Variants in NPLOC4 observed in about 807,000 individuals in gnomAD.
NPLOC4 encodes the protein NPL4 homolog, ubiquitin recognition factor.
NPLOC4 carries 18 observed loss-of-function variants against 80.6 expected under a neutral mutation model. That is an observed-to-expected ratio of 0.22 (90% CI 0.15 to 0.33). The LOEUF is 0.33. Among genes scored for constraint, NPLOC4 ranks in the 10% least tolerant of loss-of-function variants. NPLOC4 has a pLI of 1.00. For synonymous variants in NPLOC4, 313 were observed against 301.5 expected (o/e 1.04, Z -0.39); for missense variants, 540 against 786.1 (o/e 0.69, Z 3.74).
intron 8 of NPLOC4, among the ~76,000 whole-genome samples, chr17:81,602,767 T>C (rs1356968652): frequency 6.6e-6 from 1 of 150,592 alleles, no homozygotes; most frequent in Non-Finnish European, 1.5e-5. Flanking sequence ...AGGCTGAGCA[T>C]GGTGGCTTAT....
intron 11 of NPLOC4, among the ~76,000 whole-genome samples, chr17:81,590,823 G>C (rs1395039788): frequency 2.6e-5 from 4 of 152,200 alleles, no homozygotes; most frequent in South Asian, 4.1e-4. Context: ...GGAGGAGATA[G>C]AGCTGGCCGC....
intron 1 of NPLOC4, among the ~76,000 whole-genome samples, chr17:81,630,323 T>C (rs962134692): frequency 2.6e-5 from 4 of 152,178 alleles, no homozygotes; most frequent in African/African-American, 9.7e-5. Context: ...AGGGTCTTGC[T>C]GTCACCCAGG....
At chr17:81,600,008 G>C (rs769809433) in intron 9 of NPLOC4, among the ~76,000 whole-genome samples, 2 of 152,194 alleles carry the variant, frequency 1.3e-5, no homozygotes, top group Non-Finnish European at 2.9e-5. Flanking sequence ...GGAGCCAGCA[G>C]GGGTGCGGCT....
rs1399253057 is a variant in NPLOC4, at chr17:81,558,699, A to G, written c.*560T>C. 6.6e-6 allele frequency: 1 copy of G among 152,336 alleles called. No individual in the cohort carries two copies. Among genetic ancestry groups the G allele is most frequent in the Non-Finnish European group, 1.5e-5 (1 of 68,148 alleles). The allele number at this position is 152,336 out of a possible 1,614,324, so 9.4% of individuals were successfully genotyped here. ...GGGTGAGAGGAGGAGGGCAGGCAGC[A>G]AACCGACCTGCAGACCTGCAGAGGG... is the stretch of plus-strand genomic sequence containing the variant. On this transcript the variant is annotated 3_prime_UTR_variant, in exon 17 of 17. Coordinates refer to ENST00000331134, the MANE Select transcript of NPLOC4 (RefSeq NM_017921.4).
At chr17:81,584,968 A>T (rs2034534296) in intron 12 of NPLOC4, among the ~76,000 whole-genome samples, 2 of 151,820 alleles carry the variant, frequency 1.3e-5, no homozygotes, top group South Asian at 2.1e-4. Flanking sequence ...TCAGGAGTTC[A>T]TGACCAGCCT....
At chr17:81,599,522 C>A (rs1323548058) in intron 9 of NPLOC4, among the ~76,000 whole-genome samples, 2 of 152,152 alleles carry the variant, frequency 1.3e-5, no homozygotes, top group African/African-American at 2.4e-5. Context: ...ACTGTGTGGA[C>A]TGCTCACTGA....
intron 12 of NPLOC4, among the ~76,000 whole-genome samples, chr17:81,578,670 T>C (rs1007123017): frequency 6.6e-6 from 1 of 152,040 alleles, no homozygotes; most frequent in African/African-American, 2.4e-5. Context: ...CCCTTATAAA[T>C]CTAACACATC....
intron 3 of NPLOC4, among the ~76,000 whole-genome samples, chr17:81,621,573 C>T (rs73369285): frequency 0.046 from 6,943 of 152,266 alleles, 278 homozygotes; most frequent in East Asian, 0.22. Context: ...ACCCGTGTTC[C>T]GTAAAGGACC....
rs10627051 is a variant in NPLOC4 at position 81,635,357 on chromosome 17, T to TAAAAA, written c.15+1554_15+1558dup. On this transcript the variant is annotated intron_variant, in intron 1 of 16. Coordinates refer to ENST00000331134, the MANE Select transcript of NPLOC4 (RefSeq NM_017921.4). The stretch of plus-strand genomic sequence containing the variant: ...CCATCTCAAAAAAATAAAATAAGGT[T>TAAAAA]AAAAAAAAAAAAAAAAAAGGAGTCG... Among the ~76,000 whole-genome samples, 334 of 126,608 alleles carry TAAAAA rather than the reference T, an allele frequency of 2.6e-3. 1 individual carries two copies. Among genetic ancestry groups the TAAAAA allele is most frequent in the African/African-American group, 9.5e-3 (313 of 32,978 alleles). 83.1% of individuals were successfully genotyped at this position (126,608 alleles called of 152,430 possible).
chr17:81,601,088 A>G (rs771345380), intron 8 of NPLOC4, among the ~76,000 whole-genome samples: 1 of 152,194 alleles, frequency 6.6e-6, no homozygotes, highest in Non-Finnish European at 1.5e-5. Context: ...CAACCACAGC[A>G]CATCACTTCC....
chr17:81,589,155 A>G lies in NPLOC4; in HGVS notation c.1121-51T>C, dbSNP rs1399196689. Reference sequence around the variant, plus strand: ...AGTCTACCAAACGGCATTCAAAACCAGTCCATATCTGTTAACTCTTCACCT... The same window carrying G: ...AGTCTACCAAACGGCATTCAAAACCGGTCCATATCTGTTAACTCTTCACCT... On this transcript the variant is annotated intron_variant, in intron 11 of 16. Transcript: ENST00000331134. The G allele has an allele frequency of 4.0e-6, 6 of 1,507,448 alleles. No homozygotes were observed. The Admixed American group carries it at 7.7e-5, about 19-fold the overall frequency. 93.4% of individuals were successfully genotyped at this position (1,507,448 alleles called of 1,614,324 possible).
chr17:81,622,047 G>T lies in NPLOC4; in HGVS notation c.209+119C>A, dbSNP rs1302849675. ...AACACGGTCATGTGTATTCTGGTCA[G>T]TTGATAAGACCATAATGAGTGGTGT... On this transcript the variant is annotated intron_variant, in intron 3 of 16. Transcript: ENST00000331134. 7 of 722,612 alleles carry T rather than the reference G, an allele frequency of 9.7e-6. No homozygotes were observed. The African/African-American group carries it at 1.1e-4, about 11-fold the overall frequency. 44.8% of individuals were successfully genotyped at this position (722,612 alleles called of 1,614,324 possible).
chr17:81,626,861 G>A (rs761440215), intron 2 of NPLOC4, among the ~76,000 whole-genome samples: 3 of 151,570 alleles, frequency 2.0e-5, no homozygotes, highest in Non-Finnish European at 2.9e-5. Context: ...AGGCTGAGGC[G>A]GGCGGATCAC....
chr17:81,600,458 T>TA, intron 8 of NPLOC4, 31 bp from the exon 9 acceptor site: 4 of 1,562,780 alleles, frequency 2.6e-6, no homozygotes, highest in Non-Finnish European at 3.5e-6. Context: ...AAGATGGACT[T>TA]AGAGCAGAGG....
chr17:81,621,835 G>A (rs929942935), intron 3 of NPLOC4, among the ~76,000 whole-genome samples: 19 of 152,148 alleles, frequency 1.2e-4, no homozygotes, highest in Non-Finnish European at 2.4e-4. Context: ...TGATTTCCCG[G>A]CACACAGCTG....
At chr17:81,623,136 G>A (rs777445953) in intron 2 of NPLOC4, among the ~76,000 whole-genome samples, 2 of 151,320 alleles carry the variant, frequency 1.3e-5, no homozygotes, top group African/African-American at 4.8e-5. Flanking sequence ...AGAGGTTGCA[G>A]GGAGCCGAGA....
chr17:81,633,217 G>A (rs921578418), intron 1 of NPLOC4, among the ~76,000 whole-genome samples: 4 of 151,556 alleles, frequency 2.6e-5, no homozygotes, highest in African/African-American at 4.9e-5. Context: ...CCAGAAAAAC[G>A]TTTTCACAAT....
At chr17:81,589,702 T>TTTTGAAAAAAG in intron 11 of NPLOC4, among the ~76,000 whole-genome samples, 1 of 151,654 alleles carries the variant, frequency 6.6e-6, no homozygotes, top group Non-Finnish European at 1.5e-5. Flanking sequence ...ACTGTTAAAC[T>TTTTGAAAAAAG]TTTGAAAAAA....
In NPLOC4 at chr17:81,631,438, T is replaced by TATATATATATA. The variant is rs1568170977; in HGVS notation, c.16-1634_16-1633insTATATATATAT. On this transcript the variant is annotated intron_variant, in intron 1 of 16. Coordinates refer to ENST00000331134, the MANE Select transcript of NPLOC4 (RefSeq NM_017921.4). ...AAAGTGTACATATATATATATATATTTTTTTTTTTTTTTTTTTTTTTTTTC... is the reference window on the plus strand; with the variant it reads ...AAAGTGTACATATATATATATATATTATATATATATATTTTTTTTTTTTTTTTTTTTTTTTC... 4.4e-3 allele frequency among the ~76,000 whole-genome samples: 113 copies of TATATATATATA among 25,882 alleles called. 1 individual carries two copies. Among genetic ancestry groups the TATATATATATA allele is most frequent in the African/African-American group, 0.014 (107 of 7,744 alleles). 17.0% of individuals were successfully genotyped at this position (25,882 alleles called of 152,430 possible).
Sources: allele counts gnomAD v4.1 joint callset (sites outside exome capture counted in the v4.1 genomes callset), GRCh38; gene constraint gnomAD v4.1.1; transcripts MANE v1.5; gene names NCBI Gene and HGNC (gene_info 2026-07-23, HGNC 2026-07-21).